PTPRS: variants seen among roughly 807,000 people sequenced by gnomAD.
PTPRS encodes the protein receptor-type tyrosine-protein phosphatase S.
PTPRS carries 63 observed loss-of-function variants against 215.3 expected under a neutral mutation model. That is an observed-to-expected ratio of 0.29 (90% CI 0.24 to 0.36). PTPRS has a LOEUF of 0.36. PTPRS is among the 10% of genes least tolerant of loss of function. The pLI is 1.00. For missense variants in PTPRS, 2,258 were observed against 2,825.8 expected, an observed-to-expected ratio of 0.80 and a Z score of 4.56; for synonymous variants, 1,404 against 1,191.4, an observed-to-expected ratio of 1.18 and a Z score of -3.68.
rs899803131 is a variant in PTPRS, at chr19:5,287,522, G to A, written c.-94-1288C>T. 6.6e-6 allele frequency among the ~76,000 whole-genome samples: 1 copy of A among 152,148 alleles called. No individual in the cohort carries two copies. The highest frequency in any genetic ancestry group is 2.4e-5 in the African/African-American group (1 of 41,434). ...GAGGGCCAGGGAGGGGAAGGGAGAG[G>A]CCCAAGGATAAGATCTTTGTTGCCT... On this transcript the variant is annotated intron_variant, in intron 1 of 37. Coordinates refer to ENST00000262963, the MANE Select transcript of PTPRS (RefSeq NM_002850.4). This position sits in a 1 kb window ranked among gnomAD's most constrained non-coding sequence, Gnocchi z 4.8.
At chr19:5,235,716 C>CT in intron 13 of PTPRS, among the ~76,000 whole-genome samples, 1 of 152,134 alleles carries the variant, frequency 6.6e-6, no homozygotes, top group South Asian at 2.1e-4. Flanking sequence ...AGGTGCCCAG[C>CT]ACTGTGCCAA....
chr19:5,290,722 CAGG>C (rs1167007481), intron 1 of PTPRS, among the ~76,000 whole-genome samples: 2 of 152,022 alleles, frequency 1.3e-5, no homozygotes, highest in Non-Finnish European at 2.9e-5. Context: ...GGCCCCAGGG[CAGG>C]AGAAGCTGAG....
At chr19:5,258,169 C>T (rs773874230) in intron 7 of PTPRS, 42 bp from the exon 8 acceptor site, 1 of 1,529,210 alleles carries the variant, frequency 6.5e-7, no homozygotes, top group Non-Finnish European at 9.1e-7. Flanking sequence ...TAGAGGGGGG[C>T]CCAGGAGTGA....
chr19:5,311,295 C>T (rs952262813), intron 1 of PTPRS, among the ~76,000 whole-genome samples: 6 of 152,204 alleles, frequency 3.9e-5, no homozygotes, highest in Non-Finnish European at 7.3e-5. Context: ...TAGGCTGAGC[C>T]ACTGCGCCCG....
Position 5,222,939 on chromosome 19 carries a change from C to A in PTPRS, c.2853G>T (p.Leu951=). Reference sequence around the variant, plus strand: ...CGTTGCGCTCGGCGGGCACGGGTGGCAGCCAGCGGAGAAGGACGGTCCCGG... The same window carrying A: ...CGTTGCGCTCGGCGGGCACGGGTGGAAGCCAGCGGAGAAGGACGGTCCCGG... The part of the protein sequence containing the change: ...ASAGTVLLRW[L]PPVPAERNGA... The change falls in exon 18 of 38, where the codon CTG becomes CTT. Residue 951 remains leucine, a synonymous_variant. Transcript: ENST00000262963. The A allele has an allele frequency of 6.4e-7, 1 of 1,555,172 alleles. No homozygotes were observed. The highest frequency in any genetic ancestry group is 1.9e-5 in the Admixed American group (1 of 53,234).
chr19:5,260,870 TG>T (rs764034156), intron 6 of PTPRS, 48 bp from the exon 7 acceptor site: 15 of 1,457,744 alleles, frequency 1.0e-5, no homozygotes, highest in Non-Finnish European at 1.1e-5. Context: ...AGGCGGTTGT[TG>T]GGGGGCCGGG....
In PTPRS at chr19:5,213,456, G is replaced by A. The variant is rs538040171; in HGVS notation, c.4614+905C>T. On this transcript the variant is annotated intron_variant, in intron 30 of 37. Transcript: ENST00000262963. The stretch of plus-strand genomic sequence containing the variant: ...AATCTCCCCATCATACCCTCTTCCA[G>A]GTCCCTAACACTGTTTTTCTCCTCC... Among the ~76,000 whole-genome samples, 4 of 142,692 alleles carry A rather than the reference G, an allele frequency of 2.8e-5. No homozygotes were observed. The Admixed American group carries it at 2.8e-4, about 10-fold the overall frequency. The allele number at this position is 142,692 out of a possible 152,430, so 93.6% of individuals were successfully genotyped here. A position where few individuals can be genotyped will look rare whatever the true frequency, so the allele number is the denominator to read the frequency against.
chr19:5,298,876 G>C (rs529791756), intron 1 of PTPRS, among the ~76,000 whole-genome samples: 4 of 152,256 alleles, frequency 2.6e-5, no homozygotes, highest in African/African-American at 9.6e-5. Flanking sequence ...TCCTTCCAGG[G>C]GCTCAGGCTA....
intron 1 of PTPRS, among the ~76,000 whole-genome samples, chr19:5,324,934 G>C (rs2050130873): frequency 6.6e-6 from 1 of 152,208 alleles, no homozygotes; most frequent in South Asian, 2.1e-4. Context: ...CACATCCCCA[G>C]AAGGTGTCCC....
intron 37 of PTPRS, among the ~76,000 whole-genome samples, chr19:5,207,406 A>G (rs1369227635): frequency 6.6e-6 from 1 of 152,116 alleles, no homozygotes; most frequent in Non-Finnish European, 1.5e-5. Context: ...TTTTTTGTAG[A>G]GATGGGGTCT....
intron 11 of PTPRS, among the ~76,000 whole-genome samples, chr19:5,241,396 G>A (rs1007278003): frequency 6.6e-6 from 1 of 151,748 alleles, no homozygotes. Flanking sequence ...TGATCCTCTC[G>A]CCTCACCCTC....
rs372866346 is a variant in PTPRS, at chr19:5,214,487, C to T, written c.4495-7G>A. The T allele has an allele frequency of 1.7e-5, 27 of 1,613,934 alleles. No individual in the cohort carries two copies. In the Admixed American group the frequency reaches 2.2e-4, roughly 13 times the overall value. ...AATACTGATCACACTTGATCTGTATCGGGCAAGAGAACAGGTGTCAGCAGG... is the reference window on the plus strand; with the variant it reads ...AATACTGATCACACTTGATCTGTATTGGGCAAGAGAACAGGTGTCAGCAGG... On this transcript the variant is annotated splice_polypyrimidine_tract_variant and splice_region_variant and intron_variant, in intron 29 of 37. Coordinates refer to ENST00000262963, the MANE Select transcript of PTPRS (RefSeq NM_002850.4).
At chr19:5,232,558 G>C (rs1364246866) in intron 13 of PTPRS, among the ~76,000 whole-genome samples, 1 of 149,206 alleles carries the variant, frequency 6.7e-6, no homozygotes, top group Non-Finnish European at 1.5e-5. Flanking sequence ...AGCAACAGAA[G>C]CTCCATTTAT....
chr19:5,309,938 C>T (rs575179583), intron 1 of PTPRS, among the ~76,000 whole-genome samples: 1 of 152,302 alleles, frequency 6.6e-6, no homozygotes, highest in East Asian at 1.9e-4. Flanking sequence ...AGGGCTGGTT[C>T]CTCCTTTGCC....
chr19:5,321,184 G>A (rs1432695256), intron 1 of PTPRS, among the ~76,000 whole-genome samples: 3 of 152,092 alleles, frequency 2.0e-5, no homozygotes, highest in African/African-American at 7.2e-5. Context: ...GAGGCAGGAG[G>A]GTCAACTGAG....
chr19:5,221,603 C>T (rs921066650), intron 19 of PTPRS, among the ~76,000 whole-genome samples: 16 of 152,184 alleles, frequency 1.1e-4, no homozygotes, highest in African/African-American at 2.4e-4. Context: ...TCCAGCTGAG[C>T]GCTGACCCTA....
At chr19:5,283,550 C>A (rs957572953) in intron 2 of PTPRS, among the ~76,000 whole-genome samples, 1 of 151,832 alleles carries the variant, frequency 6.6e-6, no homozygotes, top group Admixed American at 6.6e-5. Flanking sequence ...GTACTCCAGC[C>A]CAGGAGACAG....
At chr19:5,240,070 G>A (rs2043892103) in intron 12 of PTPRS, 129 bp downstream of exon 12, 2 of 1,125,160 alleles carry the variant, frequency 1.8e-6, no homozygotes, top group Non-Finnish European at 1.2e-6. Flanking sequence ...AGGAGAAGCA[G>A]AAGGGGTGAG....
intron 16 of PTPRS, among the ~76,000 whole-genome samples, chr19:5,229,059 C>G (rs1364718533): frequency 6.6e-6 from 1 of 152,236 alleles, no homozygotes; most frequent in African/African-American, 2.4e-5. Flanking sequence ...GATTCAGGGA[C>G]GACCCTCAGG....
Sources: gnomAD v4.1 joint callset for allele counts (sites outside exome capture counted in the v4.1 genomes callset) on GRCh38, gnomAD v4.1.1 for gene constraint, Gnocchi (gnomAD v3.1) non-coding constraint, MANE v1.5 for transcripts, NCBI Gene and HGNC (gene_info 2026-07-23, HGNC 2026-07-21) for gene names.